EPHA2: variants seen among roughly 807,000 people sequenced by gnomAD.
EPHA2 encodes the protein ephrin type-A receptor 2.
A neutral mutation model predicts 104.9 loss-of-function variants in EPHA2; 54 were observed. The ratio of observed to expected loss-of-function variants is 0.51; its 90% CI spans 0.41 to 0.65. The LOEUF (loss-of-function observed/expected upper bound fraction) is 0.65. Ranked by LOEUF, EPHA2 falls within the 30% of genes least tolerant of loss-of-function variation. EPHA2 has a pLI of 0.00. For synonymous variants in EPHA2, 560 were observed against 559.1 expected, an observed-to-expected ratio of 1.00 and a Z score of -0.02; for missense variants, 1,117 against 1,369.5, an observed-to-expected ratio of 0.82 and a Z score of 2.91.
At chr1:16,145,173 C>T (rs1424286156) in intron 3 of EPHA2, among the ~76,000 whole-genome samples, 3 of 152,312 alleles carry the variant, frequency 2.0e-5, no homozygotes, top group South Asian at 4.1e-4. Context: ...GCAGGGGCCC[C>T]GCCAGCTGCT....
Position 16,134,428 on chromosome 1 carries a change from C to T in EPHA2, c.1682+40G>A, listed in dbSNP as rs1177051724. ...TGGAGGTTCCTGCCCCATTTTCCCA[C>T]CCAAGCCCATGTGGAGCCAGGGTAT... is the stretch of plus-strand genomic sequence containing the variant. On this transcript the variant is annotated intron_variant, in intron 8 of 16. Transcript: ENST00000358432. The surrounding 1 kb of genome is among the most constrained non-coding windows in gnomAD (Gnocchi z 4.5). The T allele has an allele frequency of 1.2e-6, 2 of 1,604,668 alleles. No homozygotes were observed. Among genetic ancestry groups the T allele is most frequent in the Non-Finnish European group, 1.7e-6 (2 of 1,171,956 alleles).
intron 2 of EPHA2, among the ~76,000 whole-genome samples, chr1:16,149,298 G>A (rs1370209380): frequency 1.3e-5 from 2 of 152,056 alleles, no homozygotes; most frequent in African/African-American, 4.8e-5. Context: ...GGTGGAGTCC[G>A]GGACTCCATG....
intron 1 of EPHA2, 51 bp downstream of exon 1, chr1:16,155,797 A>AGGGGGCAC: frequency 7.6e-7 from 1 of 1,314,770 alleles, no homozygotes; most frequent in Non-Finnish European, 9.8e-7. Flanking sequence ...GCCGGGCTCT[A>AGGGGGCAC]GGGGGCACTG....
Position 16,134,211 on chromosome 1 carries a change from G to C in EPHA2, c.1682+257C>G, listed in dbSNP as rs2024636575. On this transcript the variant is annotated intron_variant, in intron 8 of 16. Coordinates refer to ENST00000358432, the MANE Select transcript of EPHA2 (RefSeq NM_004431.5). This position sits in a 1 kb window ranked among gnomAD's most constrained non-coding sequence, Gnocchi z 4.5. ...CCATTAGAGCTACTCGGGGATTCCT[G>C]CCTGCGTGTCCAGAGGAAGTGTGGA... Among the ~76,000 whole-genome samples, 1 of 150,046 alleles carries C rather than the reference G, an allele frequency of 6.7e-6. No individual in the cohort carries two copies. Among genetic ancestry groups the C allele is most frequent in the South Asian group, 2.1e-4 (1 of 4,706 alleles).
rs1014627133 is a variant in EPHA2, at chr1:16,134,253, A to G, written c.1682+215T>C. Among the ~76,000 whole-genome samples, 4 of 151,960 alleles carry G rather than the reference A, an allele frequency of 2.6e-5. No individual in the cohort carries two copies. Among genetic ancestry groups the G allele is most frequent in the Non-Finnish European group, 5.9e-5 (4 of 67,914 alleles). Reference sequence around the variant, plus strand: ...AAGTGTGGACACATCATTAATAACAACAAGAGCAGAGGTAATGACCCCCGT... The same window carrying G: ...AAGTGTGGACACATCATTAATAACAGCAAGAGCAGAGGTAATGACCCCCGT... On this transcript the variant is annotated intron_variant, in intron 8 of 16. Transcript: ENST00000358432. This position sits in a 1 kb window ranked among gnomAD's most constrained non-coding sequence, Gnocchi z 4.5.
chr1:16,145,297 C>G (rs2024911864), intron 3 of EPHA2, among the ~76,000 whole-genome samples: 1 of 152,250 alleles, frequency 6.6e-6, no homozygotes, highest in Non-Finnish European at 1.5e-5. Flanking sequence ...GCGGGGGAAC[C>G]AAGGGAAGCT....
Position 16,129,553 on chromosome 1 carries a change from C to T in EPHA2, c.2706G>A (p.Glu902=), listed in dbSNP as rs1315563654. ...SIRLPSTSGS[E]GVPFRTVSEW... is the part of the protein sequence containing the mutation. ...CGGACACCGTGCGGAAGGGCACCCC[C>T]TCCGAGCCGCTCGTGCTGGGGAGCC... The change falls in exon 16 of 17, where the codon GAG becomes GAA. Residue 902 remains glutamate, a synonymous_variant. Transcript: ENST00000358432. The T allele has an allele frequency of 1.2e-6, 2 of 1,612,510 alleles. 1 individual carries two copies. The highest frequency in any genetic ancestry group is 1.7e-6 in the Non-Finnish European group (2 of 1,179,924).
chr1:16,138,401 C>T lies in EPHA2; in HGVS notation c.853G>A (p.Ala285Thr), dbSNP rs1453213313. The change falls in exon 4 of 17, where the codon GCA becomes ACA. Residue 285 changes from alanine to threonine, a missense_variant. Physicochemically the swap from Ala to Thr is moderately conservative, Grantham distance 58. This residue lies in a region of EPHA2 where 664 missense variants were observed against 784.8 expected (regional missense o/e 0.85). Transcript: ENST00000358432. The part of the protein sequence containing the change: ...ACSPGFFKFE[A>T]SESPCLECPE... ...CACTCCAAGCAGGGGCTCTCAGATG[C>T]CTCAAACTTAAAAAATCCAGGCGAG... is the stretch of plus-strand genomic sequence containing the variant. 6.2e-7 allele frequency: 1 copy of T among 1,613,770 alleles called. No homozygotes were observed. Among genetic ancestry groups the T allele is most frequent in the Admixed American group, 1.7e-5 (1 of 60,024 alleles).
Position 16,133,174 on chromosome 1 carries a change from C to A in EPHA2, c.2053+6G>T, listed in dbSNP as rs1288926788. On this transcript the variant is annotated splice_donor_region_variant and intron_variant, in intron 11 of 16. Transcript: ENST00000358432. Reference sequence around the variant, plus strand: ...CCACCCAGTGTGGGCAGGCCCCAAGCCTCACATTTGGAGATGACGCCCTCT... The same window carrying A: ...CCACCCAGTGTGGGCAGGCCCCAAGACTCACATTTGGAGATGACGCCCTCT... 1.2e-6 allele frequency: 2 copies of A among 1,612,996 alleles called. No homozygotes were observed. Among genetic ancestry groups the A allele is most frequent in the African/African-American group, 2.7e-5 (2 of 74,822 alleles).
At chr1:16,137,725 A>G in intron 5 of EPHA2, 128 bp downstream of exon 5, 1 of 1,141,924 alleles carries the variant, frequency 8.8e-7, no homozygotes, top group Non-Finnish European at 1.3e-6. Flanking sequence ...AGCTTGCTCT[A>G]GACACTGTGC....
chr1:16,133,581 G>T lies in EPHA2; in HGVS notation c.1764C>A (p.Tyr588Ter). 2 of 1,614,086 alleles carry T rather than the reference G, an allele frequency of 1.2e-6. No individual in the cohort carries two copies. The highest frequency in any genetic ancestry group is 1.3e-5 in the African/African-American group (1 of 75,040). The change falls in exon 10 of 17, where the codon TAC (tyrosine) becomes TAA (stop). Residue 588 changes from tyrosine to a stop codon, truncating the protein, a stop_gained. Transcript: ENST00000358432. LOFTEE classifies it high-confidence loss of function. ...GGTCCTCATATGTGTGGGGGTCCAC[G>T]TATGTCTTCAGGGGCTTCAGTTGTT... ...KSEQLKPLKT[Y>*]VDPHTYEDPN... is the part of the protein sequence containing the mutation.
intron 1 of EPHA2, among the ~76,000 whole-genome samples, chr1:16,154,325 C>G (rs1487602076): frequency 2.0e-5 from 3 of 152,130 alleles, no homozygotes; most frequent in Non-Finnish European, 4.4e-5. Flanking sequence ...GACCCCAACC[C>G]GGGCCCTGTC....
chr1:16,132,905 G>A (rs1458239304), intron 11 of EPHA2: 1 of 532,600 alleles, frequency 1.9e-6, no homozygotes, highest in African/African-American at 2.3e-5. Context: ...ACAGGTATCG[G>A]GGAGAGGTGG....
intron 1 of EPHA2, chr1:16,155,133 G>C (rs1338414209): frequency 1.3e-5 from 2 of 152,314 alleles, no homozygotes; most frequent in African/African-American, 4.8e-5. Flanking sequence ...TCCACACCTT[G>C]GGAGGCCGCA....
chr1:16,136,031 T>C (rs2024677305), intron 5 of EPHA2, among the ~76,000 whole-genome samples: 1 of 152,064 alleles, frequency 6.6e-6, no homozygotes, highest in South Asian at 2.1e-4. Flanking sequence ...CTACTGTACC[T>C]GGCTAATTTT....
intron 16 of EPHA2, among the ~76,000 whole-genome samples, chr1:16,127,602 C>T (rs1359682747): frequency 1.3e-5 from 2 of 152,272 alleles, no homozygotes; most frequent in South Asian, 2.1e-4. Flanking sequence ...CCAAGTCTCC[C>T]GTTGGGACCC....
At chr1:16,139,407 C>T (rs2024780597) in intron 3 of EPHA2, among the ~76,000 whole-genome samples, 1 of 152,202 alleles carries the variant, frequency 6.6e-6, no homozygotes, top group African/African-American at 2.4e-5. Context: ...CCTGAGACAC[C>T]TCCAACCTCA....
In EPHA2 at chr1:16,148,819, G is replaced by A. The variant is rs2024983983; in HGVS notation, c.382C>T (p.Leu128=). The A allele has an allele frequency of 6.2e-7, 1 of 1,614,162 alleles. No homozygotes were observed. Among genetic ancestry groups the A allele is most frequent in the Non-Finnish European group, 8.5e-7 (1 of 1,180,044 alleles). ...TTCTGGAAGTTGGTGCCGTAGTCCAGGTCCGACTCGGCATAGTAGAGGTTG... is the reference window on the plus strand; with the variant it reads ...TTCTGGAAGTTGGTGCCGTAGTCCAAGTCCGACTCGGCATAGTAGAGGTTG... ...TFNLYYAESD[L]DYGTNFQKRL... is the part of the protein sequence containing the mutation. The change falls in exon 3 of 17, where the codon CTG becomes TTG. Residue 128 remains leucine, a synonymous_variant. Coordinates refer to ENST00000358432, the MANE Select transcript of EPHA2 (RefSeq NM_004431.5). This position sits in a 1 kb window ranked among gnomAD's most constrained non-coding sequence, Gnocchi z 4.9.
chr1:16,144,293 C>G (rs1199212482), intron 3 of EPHA2, among the ~76,000 whole-genome samples: 1 of 152,152 alleles, frequency 6.6e-6, no homozygotes, highest in South Asian at 2.1e-4. Context: ...GGTCCCACCT[C>G]TGTAGGCCAG....
Sources: allele counts gnomAD v4.1 joint callset (sites outside exome capture counted in the v4.1 genomes callset), GRCh38; gene constraint gnomAD v4.1.1; regional missense constraint gnomAD v4.1.1; non-coding constraint Gnocchi (gnomAD v3.1); transcripts MANE v1.5; gene names NCBI Gene and HGNC (gene_info 2026-07-23, HGNC 2026-07-21).